RANBP2: variants seen among roughly 807,000 people sequenced by gnomAD.
The protein encoded by RANBP2 is E3 SUMO-protein ligase RanBP2.
Under a neutral mutation model 303.6 loss-of-function variants are expected in RANBP2, and 57 were observed. The ratio of observed to expected loss-of-function variants is 0.19; its 90% CI spans 0.15 to 0.23. RANBP2 has a LOEUF of 0.23. Among genes scored for constraint, RANBP2 ranks in the 10% least tolerant of loss-of-function variants. The probability of loss-of-function intolerance (pLI) is 1.00; values close to 1 mark genes in which losing one functional copy is unlikely to be tolerated. For synonymous variants in RANBP2, 1,167 were observed against 1,301.5 expected (o/e 0.90, Z 2.23); for missense variants, 3,138 against 3,780.8 (o/e 0.83, Z 4.46).
the RANBP2 span, among the ~76,000 whole-genome samples, chr2:109,223,136 A>G: frequency 6.6e-6 from 1 of 152,212 alleles, no homozygotes; most frequent in African/African-American, 2.4e-5. Flanking sequence ...AGGTGGGAGG[A>G]TGAGGTTGCC....
the RANBP2 span, among the ~76,000 whole-genome samples, chr2:109,394,247 G>A: frequency 5.3e-5 from 8 of 152,360 alleles, no homozygotes; most frequent in Admixed American, 3.9e-4. Flanking sequence ...CAAAGTGTTG[G>A]GAGGGGCTTT....
At chr2:108,928,587 C>CT in the RANBP2 span, among the ~76,000 whole-genome samples, 1 of 152,148 alleles carries the variant, frequency 6.6e-6, no homozygotes, top group South Asian at 2.1e-4. Flanking sequence ...GTTGTGGCCA[C>CT]TAGGGGGAGG....
chr2:108,802,890 C>T, the RANBP2 span, among the ~76,000 whole-genome samples: 9 of 152,222 alleles, frequency 5.9e-5, no homozygotes, highest in Middle Eastern at 3.4e-3. Flanking sequence ...GAGATAATCA[C>T]GTGGTTTTTG....
the RANBP2 span, chr2:109,347,548 G>A: frequency 1.9e-5 from 25 of 1,290,438 alleles, no homozygotes; most frequent in Non-Finnish European, 2.6e-5. Context: ...TCCACTTGCG[G>A]GGCACTCTGT....
At chr2:109,354,066 A>G in the RANBP2 span, among the ~76,000 whole-genome samples, 4 of 152,226 alleles carry the variant, frequency 2.6e-5, no homozygotes, top group Non-Finnish European at 5.9e-5. Context: ...ACAGTTCCAT[A>G]AGTGCCCCAC....
At chr2:108,897,424 G>T in the RANBP2 span, among the ~76,000 whole-genome samples, 1 of 152,054 alleles carries the variant, frequency 6.6e-6, no homozygotes, top group African/African-American at 2.4e-5. Flanking sequence ...CCACAAGAGA[G>T]GGCTGTGCAT....
chr2:109,235,353 A>G, the RANBP2 span, among the ~76,000 whole-genome samples: 2 of 152,228 alleles, frequency 1.3e-5, no homozygotes, highest in South Asian at 4.2e-4. Context: ...TCTAAGGGCC[A>G]CTAAAGAGAC....
At chr2:109,683,493 G>T in the RANBP2 span, among the ~76,000 whole-genome samples, 5 of 152,096 alleles carry the variant, frequency 3.3e-5, no homozygotes, top group Non-Finnish European at 7.4e-5. Context: ...ATGGGCAGGG[G>T]GTCTTAAGTA....
the RANBP2 span, chr2:109,449,115 A>G: frequency 1.3e-6 from 2 of 1,555,950 alleles, no homozygotes; most frequent in Non-Finnish European, 8.7e-7. Context: ...CCTGGCAGGC[A>G]TGGCAAGTTG....
At chr2:109,026,344 G>C in the RANBP2 span, among the ~76,000 whole-genome samples, 1 of 124,786 alleles carries the variant, frequency 8.0e-6, no homozygotes, top group African/African-American at 3.0e-5. Context: ...GCTCAGGCTG[G>C]TCCTGAACTC....
chr2:108,868,754 G>A, the RANBP2 span, among the ~76,000 whole-genome samples: 1 of 151,956 alleles, frequency 6.6e-6, no homozygotes, highest in African/African-American at 2.4e-5. Flanking sequence ...CTTTGACCAT[G>A]ACACATAAAA....
chr2:109,596,993 G>T, the RANBP2 span, among the ~76,000 whole-genome samples: 10 of 152,056 alleles, frequency 6.6e-5, no homozygotes, highest in Admixed American at 5.9e-4. Flanking sequence ...ACCCAAGCTG[G>T]AGTGCAGTGG....
At chr2:109,054,962 G>A in the RANBP2 span, among the ~76,000 whole-genome samples, 3 of 152,216 alleles carry the variant, frequency 2.0e-5, no homozygotes, top group African/African-American at 7.2e-5. Context: ...TGCTAAGTAG[G>A]ATTCGCTGGC....
the RANBP2 span, among the ~76,000 whole-genome samples, chr2:109,719,498 C>A: frequency 6.6e-6 from 1 of 151,572 alleles, no homozygotes; most frequent in Non-Finnish European, 1.5e-5. Flanking sequence ...CCTCTGGCTC[C>A]CCGGTTCAAG....
At chr2:109,660,354 A>G in the RANBP2 span, among the ~76,000 whole-genome samples, 4 of 152,222 alleles carry the variant, frequency 2.6e-5, no homozygotes, top group Non-Finnish European at 1.5e-5. Context: ...TTTACACCCC[A>G]GAAAACTCTG....
At chr2:109,576,887 A>G in the RANBP2 span, among the ~76,000 whole-genome samples, 1 of 152,210 alleles carries the variant, frequency 6.6e-6, no homozygotes, top group Non-Finnish European at 1.5e-5. Flanking sequence ...TTTCAAAGGA[A>G]AAAAACAGAA....
At chr2:109,226,142 C>T in the RANBP2 span, among the ~76,000 whole-genome samples, 1 of 152,198 alleles carries the variant, frequency 6.6e-6, no homozygotes, top group Non-Finnish European at 1.5e-5. Context: ...AGGAGGTTGT[C>T]CCCAAATAGC....
the RANBP2 span, among the ~76,000 whole-genome samples, chr2:109,774,505 T>TATATATATATAAAAA: frequency 2.8e-4 from 9 of 32,070 alleles, no homozygotes; most frequent in East Asian, 1.1e-3. Flanking sequence ...CAAACATATA[T>TATATATATATAAAAA]ATATATATAA....
chr2:109,364,507 G>A, the RANBP2 span, among the ~76,000 whole-genome samples: 1 of 152,164 alleles, frequency 6.6e-6, no homozygotes, highest in Non-Finnish European at 1.5e-5. Context: ...TCAAACTGTG[G>A]GGTTTTTTGC....
Sources: gnomAD v4.1 joint callset for allele counts (sites outside exome capture counted in the v4.1 genomes callset) on GRCh38, gnomAD v4.1.1 for gene constraint, MANE v1.5 for transcripts, NCBI Gene and HGNC (gene_info 2026-07-23, HGNC 2026-07-21) for gene names.